USP28: variants seen among roughly 807,000 people sequenced by gnomAD.
USP28 encodes the protein ubiquitin carboxyl-terminal hydrolase 28.
A neutral mutation model predicts 145.0 loss-of-function variants in USP28; 113 were observed. That is an observed-to-expected ratio of 0.78 (90% CI 0.67 to 0.91). The LOEUF (loss-of-function observed/expected upper bound fraction) is 0.91. Among genes scored for constraint, USP28 ranks in the 40% least tolerant of loss-of-function variants. USP28 has a pLI of 0.00. For synonymous variants in USP28, 447 were observed against 450.9 expected, an observed-to-expected ratio of 0.99 and a Z score of 0.11; for missense variants, 1,201 against 1,289.6, an observed-to-expected ratio of 0.93 and a Z score of 1.05.
intron 15 of USP28, among the ~76,000 whole-genome samples, chr11:113,812,912 T>C (rs1054146924): frequency 6.6e-5 from 10 of 152,236 alleles, no homozygotes; most frequent in African/African-American, 2.2e-4. Flanking sequence ...CCTATTTTAT[T>C]TGGCAACAAA....
chr11:113,859,803 T>C (rs1947456141), intron 1 of USP28, among the ~76,000 whole-genome samples: 1 of 152,198 alleles, frequency 6.6e-6, no homozygotes, highest in South Asian at 2.1e-4. Flanking sequence ...TCAAATAACT[T>C]GCAAGAGCCA....
chr11:113,862,799 CTTGA>C (rs1275974438), intron 1 of USP28, among the ~76,000 whole-genome samples: 1 of 152,078 alleles, frequency 6.6e-6, no homozygotes, highest in Non-Finnish European at 1.5e-5. Flanking sequence ...CAATGGTCAC[CTTGA>C]TTGATACAGA....
chr11:113,814,256 G>A (rs1015281749), intron 14 of USP28, among the ~76,000 whole-genome samples: 1 of 152,146 alleles, frequency 6.6e-6, no homozygotes, highest in African/African-American at 2.4e-5. Context: ...GTATGCCTCA[G>A]ACAGGATCTG....
chr11:113,830,047 A>G (rs1484133889), intron 9 of USP28, among the ~76,000 whole-genome samples: 2 of 152,152 alleles, frequency 1.3e-5, no homozygotes, highest in Non-Finnish European at 2.9e-5. Context: ...AAACAGCAAA[A>G]TTTCCAACTG....
chr11:113,829,697 C>T (rs1318494165), intron 9 of USP28, among the ~76,000 whole-genome samples: 4 of 151,980 alleles, frequency 2.6e-5, no homozygotes, highest in East Asian at 1.9e-4. Flanking sequence ...CAGTAACACA[C>T]GCCTGAAGTC....
At chr11:113,868,250 T>G (rs1437685187) in intron 1 of USP28, among the ~76,000 whole-genome samples, 5 of 152,214 alleles carry the variant, frequency 3.3e-5, no homozygotes, top group African/African-American at 9.6e-5. Flanking sequence ...ATACTGGGAC[T>G]TGCCTGTTCA....
intron 1 of USP28, among the ~76,000 whole-genome samples, chr11:113,859,705 A>C (rs2136747338): frequency 6.6e-6 from 1 of 152,298 alleles, no homozygotes; most frequent in Admixed American, 6.5e-5. Flanking sequence ...AAGAGGATTT[A>C]AATATTAACT....
chr11:113,820,280 A>T (rs1942399816), intron 12 of USP28: 1 of 152,206 alleles, frequency 6.6e-6, no homozygotes, highest in Admixed American at 6.5e-5. Flanking sequence ...CCAAAGGAGA[A>T]CTAAACCTCA....
intron 17 of USP28, 89 bp downstream of exon 17, chr11:113,808,974 C>A (rs1940505461): frequency 1.3e-5 from 17 of 1,302,200 alleles, no homozygotes; most frequent in Middle Eastern, 4.3e-4. Flanking sequence ...ACTGTGGCAT[C>A]ACCTAGCCAG....
chr11:113,812,954 G>T (rs907086707), intron 15 of USP28, among the ~76,000 whole-genome samples: 6 of 152,176 alleles, frequency 3.9e-5, no homozygotes, highest in Admixed American at 3.3e-4. Context: ...TCAGCCACAT[G>T]CTTCTTAGAG....
intron 18 of USP28, among the ~76,000 whole-genome samples, 175 bp from the exon 20 acceptor site, chr11:113,806,759 C>T (rs1940048143): frequency 6.6e-6 from 1 of 152,212 alleles, no homozygotes; most frequent in African/African-American, 2.4e-5. Flanking sequence ...CCCACTGCCT[C>T]TGTCCTTCTA....
chr11:113,799,744 T>C (rs1479280307), intron 24 of USP28, among the ~76,000 whole-genome samples: 2 of 152,238 alleles, frequency 1.3e-5, no homozygotes, highest in African/African-American at 2.4e-5. Flanking sequence ...AATATATCAG[T>C]GTATACACAT....
chr11:113,831,001 A>G (rs770728067), intron 8 of USP28, 58 bp from the exon 9 acceptor site: 1 of 1,583,214 alleles, frequency 6.3e-7, no homozygotes. Context: ...TGTGCTACAT[A>G]AAATCCAAGC....
intron 18 of USP28, among the ~76,000 whole-genome samples, chr11:113,807,162 T>C (rs975910500): frequency 6.6e-6 from 1 of 151,734 alleles, no homozygotes; most frequent in African/African-American, 2.4e-5. Flanking sequence ...AACCTCCGCC[T>C]CCCGGGTTCA....
intron 21 of USP28, among the ~76,000 whole-genome samples, 193 bp from the exon 23 acceptor site, chr11:113,804,070 A>G (rs917435893): frequency 6.6e-6 from 1 of 152,232 alleles, no homozygotes; most frequent in Non-Finnish European, 1.5e-5. Context: ...TTAATTTTCA[A>G]TGTTCTGTTC....
chr11:113,871,228 G>C (rs1948778917), intron 1 of USP28, among the ~76,000 whole-genome samples: 2 of 152,208 alleles, frequency 1.3e-5, no homozygotes, highest in African/African-American at 4.8e-5. Flanking sequence ...GCTGGCTCTA[G>C]CACACTCAAC....
chr11:113,809,095 T>G, exon 17 of USP28: 1 of 1,613,962 alleles, frequency 6.2e-7, no homozygotes, highest in Non-Finnish European at 8.5e-7. Context: ...TGATGAGGAG[T>G]TGGTGGAGGA....
intron 5 of USP28, among the ~76,000 whole-genome samples, chr11:113,838,942 C>A (rs1179949341): frequency 1.3e-5 from 2 of 152,188 alleles, no homozygotes; most frequent in African/African-American, 4.8e-5. Flanking sequence ...ATGGAGAAGA[C>A]TGCTGTGGTG....
At chr11:113,824,792 G>T (rs990919329) in intron 11 of USP28, among the ~76,000 whole-genome samples, 7 of 151,794 alleles carry the variant, frequency 4.6e-5, no homozygotes, top group African/African-American at 1.7e-4. Flanking sequence ...TTAGCTGGGC[G>T]TTGTGGCACA....
Sources: allele counts gnomAD v4.1 joint callset (sites outside exome capture counted in the v4.1 genomes callset), GRCh38; gene constraint gnomAD v4.1.1; transcripts MANE v1.5; gene names NCBI Gene and HGNC (gene_info 2026-07-23, HGNC 2026-07-21).